Variants in XNDC1N observed in about 807,000 individuals in gnomAD.
XNDC1N encodes protein XNDC1N.
the XNDC1N span, among the ~76,000 whole-genome samples, chr11:71,891,472 C>G: frequency 1.3e-4 from 20 of 151,950 alleles, no homozygotes; most frequent in Admixed American, 5.2e-4. Flanking sequence ...TCATCCTCCC[C>G]AAACCTGGAT....
At chr11:71,906,383 G>A in the XNDC1N span, among the ~76,000 whole-genome samples, 2 of 151,924 alleles carry the variant, frequency 1.3e-5, no homozygotes, top group African/African-American at 4.8e-5. Flanking sequence ...CACCCCCTGC[G>A]TCATTAAGAG....
the XNDC1N span, among the ~76,000 whole-genome samples, chr11:71,891,175 C>A: frequency 6.6e-6 from 1 of 151,984 alleles, no homozygotes; most frequent in Admixed American, 6.5e-5. Flanking sequence ...CATACTCTTT[C>A]ACTCTGGATG....
chr11:71,910,490 C>T, the XNDC1N span, among the ~76,000 whole-genome samples: 51 of 152,164 alleles, frequency 3.4e-4, no homozygotes, highest in Non-Finnish European at 6.2e-4. Context: ...GGGCTCGAGA[C>T]CTCCAGAAGT....
At chr11:71,910,439 C>T in the XNDC1N span, among the ~76,000 whole-genome samples, 6 of 152,228 alleles carry the variant, frequency 3.9e-5, no homozygotes, top group Non-Finnish European at 7.4e-5. Context: ...CCGGGTTTCC[C>T]CAAGGGTTCA....
At chr11:71,919,859 C>T in the XNDC1N span, among the ~76,000 whole-genome samples, 61 of 148,692 alleles carry the variant, frequency 4.1e-4, no homozygotes, top group Non-Finnish European at 5.1e-4. Context: ...CCTCGTGATC[C>T]GCCCGCCTCG....
the XNDC1N span, among the ~76,000 whole-genome samples, chr11:71,899,207 G>A: frequency 6.6e-6 from 1 of 152,100 alleles, no homozygotes; most frequent in African/African-American, 2.4e-5. Context: ...CTGCAGTGTG[G>A]GGTTCCAGTC....
the XNDC1N span, chr11:71,926,239 C>T: frequency 6.6e-6 from 1 of 152,106 alleles, no homozygotes; most frequent in Admixed American, 6.5e-5. Context: ...CATCACACTC[C>T]AGCCTGGGAG....
chr11:71,875,536 C>T, the XNDC1N span, among the ~76,000 whole-genome samples: 2 of 151,766 alleles, frequency 1.3e-5, no homozygotes, highest in Admixed American at 1.3e-4. Flanking sequence ...AAAATGTCAG[C>T]CACTTGTGGG....
chr11:71,873,303 T>A, the XNDC1N span, among the ~76,000 whole-genome samples: 16 of 152,234 alleles, frequency 1.1e-4, no homozygotes, highest in African/African-American at 3.9e-4. Flanking sequence ...GGATTTCATT[T>A]ATAGTGCTCT....
At chr11:71,893,228 T>C in the XNDC1N span, among the ~76,000 whole-genome samples, 2 of 152,238 alleles carry the variant, frequency 1.3e-5, no homozygotes, top group African/African-American at 4.8e-5. Flanking sequence ...GGTCTTCTAA[T>C]ATTCTTCAGT....
At chr11:71,907,678 T>TCGTC in the XNDC1N span, among the ~76,000 whole-genome samples, 1 of 152,004 alleles carries the variant, frequency 6.6e-6, no homozygotes, top group Non-Finnish European at 1.5e-5. Flanking sequence ...AGGTGTCAGG[T>TCGTC]CGTCCTCTCC....
the XNDC1N span, among the ~76,000 whole-genome samples, chr11:71,873,402 T>A: frequency 6.6e-6 from 1 of 152,254 alleles, no homozygotes; most frequent in Non-Finnish European, 1.5e-5. Flanking sequence ...TTTGAATATC[T>A]CTATGTATGA....
At chr11:71,905,926 C>T in the XNDC1N span, among the ~76,000 whole-genome samples, 53 of 152,080 alleles carry the variant, frequency 3.5e-4, no homozygotes, top group Non-Finnish European at 7.1e-4. Flanking sequence ...CAAATAATAC[C>T]GAAGGCTGTA....
the XNDC1N span, among the ~76,000 whole-genome samples, chr11:71,913,122 G>A: frequency 2.0e-5 from 3 of 152,044 alleles, no homozygotes; most frequent in Non-Finnish European, 4.4e-5. Flanking sequence ...GATATTGAGA[G>A]TCATATCATC....
chr11:71,922,167 TAAA>T, the XNDC1N span, among the ~76,000 whole-genome samples: 1 of 152,186 alleles, frequency 6.6e-6, no homozygotes, highest in Non-Finnish European at 1.5e-5. Flanking sequence ...CTAAAAAAAG[TAAA>T]AAGTCTATGA....
At chr11:71,879,609 T>C in the XNDC1N span, among the ~76,000 whole-genome samples, 1 of 152,168 alleles carries the variant, frequency 6.6e-6, no homozygotes, top group Non-Finnish European at 1.5e-5. Flanking sequence ...GTTTTTTATA[T>C]TTTTATTGAG....
chr11:71,888,499 G>T, the XNDC1N span, among the ~76,000 whole-genome samples: 1 of 152,176 alleles, frequency 6.6e-6, no homozygotes, highest in African/African-American at 2.4e-5. Context: ...CAGCCCTGGG[G>T]CTACCCGATC....
chr11:71,902,136 T>TC, the XNDC1N span, among the ~76,000 whole-genome samples: 1 of 152,166 alleles, frequency 6.6e-6, no homozygotes, highest in African/African-American at 2.4e-5. Context: ...AATTGACACT[T>TC]CCTTGCTTCA....
chr11:71,928,510 G>A, the XNDC1N span: 1 of 702,492 alleles, frequency 1.4e-6, no homozygotes. Flanking sequence ...TGCGTTCTGG[G>A]GCTTCAAGAA....
Sources: allele counts gnomAD v4.1 joint callset (sites outside exome capture counted in the v4.1 genomes callset), GRCh38; gene constraint gnomAD v4.1.1; transcripts MANE v1.5; gene names NCBI Gene and HGNC (gene_info 2026-07-23, HGNC 2026-07-21).